TPH2: variants seen among roughly 807,000 people sequenced by gnomAD.
The protein encoded by TPH2 is tryptophan 5-hydroxylase 2.
In TPH2, 27 loss-of-function variants were observed where a neutral mutation model predicts 59.1. The ratio of observed to expected loss-of-function variants is 0.46; its 90% CI spans 0.34 to 0.63. The LOEUF is 0.63. Among genes scored for constraint, TPH2 ranks in the 30% least tolerant of loss-of-function variants. The pLI, the probability that TPH2 is intolerant of heterozygous loss-of-function variation, is 0.01. For missense variants in TPH2, 523 were observed against 588.3 expected (o/e 0.89, Z 1.15); for synonymous variants, 220 against 210.5 (o/e 1.05, Z -0.39).
chr12:72,020,323 A>G (rs113989952), intron 8 of TPH2, among the ~76,000 whole-genome samples: 34 of 152,298 alleles, frequency 2.2e-4, no homozygotes, highest in African/African-American at 7.5e-4. Flanking sequence ...TGGAGTTTAT[A>G]GTCTAGTGTT....
At chr12:72,014,940 C>A (rs527486507) in intron 8 of TPH2, among the ~76,000 whole-genome samples, 1 of 152,080 alleles carries the variant, frequency 6.6e-6, no homozygotes, top group Non-Finnish European at 1.5e-5. Context: ...TGGTTCCCAA[C>A]GTTGATTTTT....
At chr12:71,984,870 G>T (rs1012872619) in intron 7 of TPH2, among the ~76,000 whole-genome samples, 1 of 152,182 alleles carries the variant, frequency 6.6e-6, no homozygotes, top group East Asian at 1.9e-4. Context: ...GGAGAAGTCC[G>T]GTTTGGGCTA....
intron 5 of TPH2, chr12:71,965,415 G>A (rs1431001669): frequency 6.6e-6 from 1 of 152,144 alleles, no homozygotes; most frequent in Admixed American, 6.5e-5. Context: ...GTGTATAAGT[G>A]TTTCCTTTTC....
intron 7 of TPH2, among the ~76,000 whole-genome samples, chr12:71,980,084 T>C (rs180930876): frequency 6.6e-6 from 1 of 152,210 alleles, no homozygotes; most frequent in East Asian, 1.9e-4. Flanking sequence ...GTTTTTTGGA[T>C]TGGGTCAGGA....
chr12:71,959,015 A>G (rs1240804452), intron 5 of TPH2, among the ~76,000 whole-genome samples: 2 of 150,576 alleles, frequency 1.3e-5, no homozygotes, highest in Non-Finnish European at 1.5e-5. Flanking sequence ...TTTTACATGG[A>G]GTGGTGTTGA....
chr12:71,964,566 T>C (rs181791246), intron 5 of TPH2: 1 of 985,204 alleles, frequency 1.0e-6, no homozygotes, highest in Non-Finnish European at 1.2e-6. Context: ...TCATTGAGTA[T>C]TTGGCTGTAT....
Position 71,938,864 on chromosome 12 carries a change from G to C in TPH2, c.-123G>C. 1.2e-6 allele frequency: 1 copy of C among 809,600 alleles called. No individual in the cohort carries two copies. Among genetic ancestry groups the C allele is most frequent in the East Asian group, 2.5e-5 (1 of 40,262 alleles). The allele number at this position is 809,600 out of a possible 1,614,324, so 50.2% of individuals were successfully genotyped here. ...GGATTCGCATTGCTCTTCAGCACCA[G>C]GGTTCTGGACAGCGCCCCAAGCAGG... On this transcript the variant is annotated 5_prime_UTR_variant, in exon 1 of 11. Coordinates refer to ENST00000333850, the MANE Select transcript of TPH2 (RefSeq NM_173353.4).
intron 8 of TPH2, among the ~76,000 whole-genome samples, chr12:72,019,952 T>C (rs1033679354): frequency 1.3e-5 from 2 of 152,190 alleles, no homozygotes; most frequent in Non-Finnish European, 2.9e-5. Context: ...CCTTTGTGTG[T>C]TTCTTTCTTC....
chr12:71,951,588 T>C (rs545546552), intron 5 of TPH2, among the ~76,000 whole-genome samples: 2 of 152,186 alleles, frequency 1.3e-5, no homozygotes, highest in Non-Finnish European at 2.9e-5. Context: ...GCTCAAGTGA[T>C]CCTCCTGCCT....
chr12:71,964,743 C>T, intron 5 of TPH2: 1 of 985,302 alleles, frequency 1.0e-6, no homozygotes. Context: ...GCAACAAATG[C>T]TTGATAAGAG....
chr12:72,014,127 C>T (rs1358425180), intron 8 of TPH2, among the ~76,000 whole-genome samples: 1 of 152,070 alleles, frequency 6.6e-6, no homozygotes, highest in Non-Finnish European at 1.5e-5. Context: ...TTAGTGGCTT[C>T]CTATTGCCAA....
chr12:71,986,963 C>T (rs928422712), intron 7 of TPH2, among the ~76,000 whole-genome samples: 4 of 152,060 alleles, frequency 2.6e-5, no homozygotes, highest in East Asian at 1.9e-4. Context: ...TCTTTACTAC[C>T]GTGTAGAGAA....
At chr12:71,962,525 A>G (rs1399967527) in intron 5 of TPH2, 1 of 985,042 alleles carries the variant, frequency 1.0e-6, no homozygotes, top group Non-Finnish European at 1.2e-6. Flanking sequence ...GTACATAGGA[A>G]TAATTGGAGG....
At chr12:71,972,248 C>T (rs760275483) in intron 5 of TPH2, among the ~76,000 whole-genome samples, 4 of 152,124 alleles carry the variant, frequency 2.6e-5, no homozygotes, top group Non-Finnish European at 5.9e-5. Context: ...TGTTACTGAC[C>T]TCAGTTTAAG....
chr12:72,018,712 A>G (rs975980388), intron 8 of TPH2, among the ~76,000 whole-genome samples: 4 of 152,190 alleles, frequency 2.6e-5, no homozygotes, highest in African/African-American at 9.6e-5. Context: ...TTGTAAGTGC[A>G]ATATAAATTA....
At chr12:71,951,063 C>T (rs571841466) in intron 5 of TPH2, among the ~76,000 whole-genome samples, 1 of 152,288 alleles carries the variant, frequency 6.6e-6, no homozygotes, top group Admixed American at 6.5e-5. Context: ...TAAGCAGCTT[C>T]TTTCCCCTCT....
chr12:72,010,742 C>T (rs922966032), intron 8 of TPH2, among the ~76,000 whole-genome samples: 2 of 152,144 alleles, frequency 1.3e-5, no homozygotes, highest in Non-Finnish European at 1.5e-5. Flanking sequence ...GCAGTGGTGA[C>T]TACCCACAGC....
chr12:71,985,020 T>G (rs1180489579), intron 7 of TPH2, among the ~76,000 whole-genome samples: 1 of 152,210 alleles, frequency 6.6e-6, no homozygotes, highest in Non-Finnish European at 1.5e-5. Context: ...CAAACATGTC[T>G]ACTATATATC....
intron 7 of TPH2, among the ~76,000 whole-genome samples, chr12:71,991,571 A>G (rs1245174178): frequency 6.6e-6 from 1 of 152,158 alleles, no homozygotes; most frequent in Non-Finnish European, 1.5e-5. Context: ...GATCTTTAGC[A>G]TTTACATCAT....
Sources: allele counts gnomAD v4.1 joint callset (sites outside exome capture counted in the v4.1 genomes callset), GRCh38; gene constraint gnomAD v4.1.1; transcripts MANE v1.5; gene names NCBI Gene and HGNC (gene_info 2026-07-23, HGNC 2026-07-21).